The following PLEKHA6 variants were observed in gnomAD, a reference collection of about 807,000 sequenced individuals.
PLEKHA6 encodes the protein pleckstrin homology domain containing A6.
Under a neutral mutation model 116.7 loss-of-function variants are expected in PLEKHA6, and 60 were observed. That is an observed-to-expected ratio of 0.51 (90% CI 0.42 to 0.64). The LOEUF (loss-of-function observed/expected upper bound fraction) is 0.64, where lower values mean the gene tolerates loss of function less well. Ranked by LOEUF, PLEKHA6 falls within the 30% of genes least tolerant of loss-of-function variation. The pLI, the probability that PLEKHA6 is intolerant of heterozygous loss-of-function variation, is 0.00. For synonymous variants in PLEKHA6, 489 were observed against 556.1 expected (o/e 0.88, Z 1.70); for missense variants, 1,338 against 1,422.7 (o/e 0.94, Z 0.96).
chr1:204,301,593 G>C (rs748710377), intron 1 of PLEKHA6: 1 of 381,106 alleles, frequency 2.6e-6, no homozygotes, highest in Non-Finnish European at 3.6e-6. Flanking sequence ...CATTCCCAGG[G>C]GATAAATGAC....
chr1:204,343,389 A>G (rs1672915045), intron 1 of PLEKHA6, among the ~76,000 whole-genome samples: 1 of 152,222 alleles, frequency 6.6e-6, no homozygotes, highest in South Asian at 2.1e-4. Flanking sequence ...TGAGGTAAGT[A>G]CCATCATCAC....
intron 1 of PLEKHA6, chr1:204,280,909 A>C: frequency 2.0e-6 from 1 of 498,968 alleles, no homozygotes; most frequent in Non-Finnish European, 2.6e-6. Flanking sequence ...TTTCCTAGCC[A>C]CTTCTCATCA....
At chr1:204,267,606 G>T in intron 4 of PLEKHA6, 59 bp from the exon 5 acceptor site, 1 of 1,428,314 alleles carries the variant, frequency 7.0e-7, no homozygotes, top group South Asian at 1.1e-5. Flanking sequence ...ACGAGGAGAT[G>T]GGATGCAGGG....
At chr1:204,295,566 G>A (rs1392293678) in intron 1 of PLEKHA6, among the ~76,000 whole-genome samples, 3 of 151,710 alleles carry the variant, frequency 2.0e-5, no homozygotes, top group African/African-American at 7.3e-5. Context: ...TGTGTAGCAA[G>A]TCCTTGTTCT....
At chr1:204,323,824 G>A (rs1672149329) in intron 1 of PLEKHA6, among the ~76,000 whole-genome samples, 1 of 152,148 alleles carries the variant, frequency 6.6e-6, no homozygotes, top group South Asian at 2.1e-4. Flanking sequence ...CTTTTGAGAT[G>A]GTTGTTGTTA....
chr1:204,224,791 A>G (rs112733953), intron 21 of PLEKHA6, among the ~76,000 whole-genome samples: 2,691 of 152,226 alleles, frequency 0.018, 72 homozygotes, highest in African/African-American at 0.062. Flanking sequence ...TACACTCACA[A>G]ACACTTTCAA....
Position 204,230,397 on chromosome 1 carries a change from G to C in PLEKHA6, c.2583+16C>G, listed in dbSNP as rs904242145. The C allele has an allele frequency of 3.2e-6, 5 of 1,559,864 alleles. No homozygotes were observed. Among genetic ancestry groups the C allele is most frequent in the Non-Finnish European group, 3.5e-6 (4 of 1,152,630 alleles). On this transcript the variant is annotated intron_variant, in intron 18 of 22. Coordinates refer to ENST00000272203, the MANE Select transcript of PLEKHA6 (RefSeq NM_014935.5). ...GATGCCAGGCTCACGCCTGTGGGTA[G>C]CTGGGAAGGCATTACCACTTTGTAG...
chr1:204,265,609 A>G (rs1324835993), intron 5 of PLEKHA6, among the ~76,000 whole-genome samples: 4 of 152,236 alleles, frequency 2.6e-5, no homozygotes, highest in Admixed American at 2.0e-4. Flanking sequence ...AAATGAGACC[A>G]TCCCAGCAGT....
chr1:204,287,735 C>T (rs138047978), intron 1 of PLEKHA6, among the ~76,000 whole-genome samples: 24 of 152,220 alleles, frequency 1.6e-4, no homozygotes, highest in Non-Finnish European at 1.9e-4. Context: ...CAAGAGAGGC[C>T]GACGCTGCTT....
rs1177469709 is a variant in PLEKHA6, at chr1:204,261,293, C to T, written c.524+13G>A. The T allele has an allele frequency of 6.2e-7, 1 of 1,614,134 alleles. No homozygotes were observed. The highest frequency in any genetic ancestry group is 1.1e-5 in the South Asian group (1 of 91,080). On this transcript the variant is annotated intron_variant, in intron 7 of 22. Transcript: ENST00000272203. This position sits in a 1 kb window ranked among gnomAD's most constrained non-coding sequence, Gnocchi z 4.0. ...TCTTCCTGCACCCCCACACTCAATT[C>T]CCTGGCACTCACCTGTGCCGCACAG...
At chr1:204,262,379 A>G (rs1404454289) in intron 6 of PLEKHA6, among the ~76,000 whole-genome samples, 2 of 152,194 alleles carry the variant, frequency 1.3e-5, no homozygotes. Flanking sequence ...TCACGGGAAA[A>G]GAGTCTGCCT....
chr1:204,281,794 CA>C (rs111838677), intron 1 of PLEKHA6, among the ~76,000 whole-genome samples: 5,445 of 152,200 alleles, frequency 0.036, 315 homozygotes, highest in African/African-American at 0.12. Context: ...CTCCCTGCCC[CA>C]AGCCAGTTTA....
At chr1:204,313,992 A>AGGC (rs1334421769) in intron 1 of PLEKHA6, among the ~76,000 whole-genome samples, 1 of 152,122 alleles carries the variant, frequency 6.6e-6, no homozygotes, top group Non-Finnish European at 1.5e-5. Context: ...TACTATTCCC[A>AGGC]TATAGCACAA....
chr1:204,267,651 G>A, intron 4 of PLEKHA6, 104 bp from the exon 5 acceptor site: 1 of 952,156 alleles, frequency 1.1e-6, no homozygotes, highest in Non-Finnish European at 1.7e-6. Context: ...GGACATCCTG[G>A]CCCTAGCTGC....
intron 17 of PLEKHA6, among the ~76,000 whole-genome samples, chr1:204,231,949 G>A (rs1661246465): frequency 6.6e-6 from 1 of 152,052 alleles, no homozygotes; most frequent in Non-Finnish European, 1.5e-5. Flanking sequence ...TGTGGTGGCT[G>A]AATCCATGGA....
intron 1 of PLEKHA6, among the ~76,000 whole-genome samples, chr1:204,328,448 G>A (rs1672329281): frequency 6.6e-6 from 1 of 150,502 alleles, no homozygotes; most frequent in Admixed American, 6.6e-5. Flanking sequence ...CCACGCTGGA[G>A]TGCGATGGCA....
chr1:204,302,012 C>T (rs1264436918), intron 1 of PLEKHA6, among the ~76,000 whole-genome samples: 2 of 152,174 alleles, frequency 1.3e-5, no homozygotes, highest in Admixed American at 6.5e-5. Context: ...AACAGGCATA[C>T]GACTGTTGGG....
At position 204,282,912 on chromosome 1, in the gene PLEKHA6, G is replaced by T. The variant is rs576513006; in HGVS notation, c.-94-8103C>A. ...AGCCAGACAGAAGCAGAGAAAAAAG[G>T]CCCCAGCCCCCTCGCCTCCAAGTTG... On this transcript the variant is annotated intron_variant, in intron 1 of 22. Transcript: ENST00000272203. 4 of 549,212 alleles carry T rather than the reference G, an allele frequency of 7.3e-6. No homozygotes were observed. The African/African-American group carries it at 8.2e-5, about 11-fold the overall frequency. The allele number at this position is 549,212 out of a possible 1,614,324, so 34.0% of individuals were successfully genotyped here.
At chr1:204,313,758 G>C in intron 1 of PLEKHA6, 1 of 948,316 alleles carries the variant, frequency 1.1e-6, no homozygotes, top group Non-Finnish European at 1.3e-6. Flanking sequence ...CATTAGCAGA[G>C]AGCACCATGT....
Sources: gnomAD v4.1 joint callset for allele counts (sites outside exome capture counted in the v4.1 genomes callset) on GRCh38, gnomAD v4.1.1 for gene constraint, Gnocchi (gnomAD v3.1) non-coding constraint, MANE v1.5 for transcripts, NCBI Gene and HGNC (gene_info 2026-07-23, HGNC 2026-07-21) for gene names.